The following FOXJ2 variants were observed in gnomAD, a reference collection of about 807,000 sequenced individuals.
FOXJ2 encodes forkhead box protein J2.
Under a neutral mutation model 68.4 loss-of-function variants are expected in FOXJ2, and 18 were observed. That is an observed-to-expected ratio of 0.26 (90% CI 0.18 to 0.39). The LOEUF is 0.39. FOXJ2 is among the 10% of genes least tolerant of loss of function. The pLI, the probability that FOXJ2 is intolerant of heterozygous loss-of-function variation, is 1.00. For missense variants in FOXJ2, 670 were observed against 726.5 expected (o/e 0.92, Z 0.89); for synonymous variants, 274 against 263.2 (o/e 1.04, Z -0.40).
At position 8,048,107 on chromosome 12, in the gene FOXJ2, G is replaced by C; in HGVS notation, c.1043G>C (p.Gly348Ala). The change falls in exon 7 of 11, where the codon GGG becomes GCG. Residue 348 changes from glycine to alanine, a missense_variant. Transcript: ENST00000162391. ...TPSTDGCTPP[G>A]GKQAGAEGYG... Reference sequence around the variant, plus strand: ...AGCACAGATGGTTGTACCCCACCAGGGGGAAAGCAAGCTGGGGCGGAAGGC... The same window carrying C: ...AGCACAGATGGTTGTACCCCACCAGCGGGAAAGCAAGCTGGGGCGGAAGGC... 1 of 1,612,864 alleles carries C rather than the reference G, an allele frequency of 6.2e-7. No individual in the cohort carries two copies. The highest frequency in any genetic ancestry group is 1.1e-5 in the South Asian group (1 of 90,958).
At chr12:8,036,824 C>T (rs987464691) in intron 1 of FOXJ2, among the ~76,000 whole-genome samples, 2 of 152,134 alleles carry the variant, frequency 1.3e-5, no homozygotes, top group Non-Finnish European at 2.9e-5. Context: ...CATGGTGTTT[C>T]ACACCTGTAA....
In FOXJ2 at chr12:8,048,303, G is replaced by A; in HGVS notation, c.1225+14G>A. ...ACACTGGCTTTGGTGAGTAAGGAGG[G>A]TGCACAGTGATCTAGAGGAGGGTGG... On this transcript the variant is annotated intron_variant, in intron 7 of 10. Coordinates refer to ENST00000162391, the MANE Select transcript of FOXJ2 (RefSeq NM_018416.3). 1 of 1,540,852 alleles carries A rather than the reference G, an allele frequency of 6.5e-7. No individual in the cohort carries two copies. Among genetic ancestry groups the A allele is most frequent in the East Asian group, 2.3e-5 (1 of 44,220 alleles).
rs1197152618 is a variant in FOXJ2 at position 8,048,061 on chromosome 12, G to A, written c.997G>A (p.Ala333Thr). The stretch of plus-strand genomic sequence containing the variant: ...CCAGGGCCCCTCAGCTGTAGGGGGT[G>A]CTCCTCCACTGCACACCCCAAGCAC... ...PAQGPSAVGG[A>T]PPLHTPSTDG... Residue 333 changes from alanine (A) to threonine (T), a missense_variant, in exon 7 of 11, where the codon GCT becomes ACT. Ala to Thr is a moderately conservative substitution (Grantham distance 58). Coordinates refer to ENST00000162391, the MANE Select transcript of FOXJ2 (RefSeq NM_018416.3). 3.7e-6 allele frequency: 6 copies of A among 1,612,534 alleles called. No homozygotes were observed. The highest frequency in any genetic ancestry group is 4.5e-5 in the East Asian group (2 of 44,842).
chr12:8,051,107 C>T lies in FOXJ2; in HGVS notation c.1636+487C>T, dbSNP rs370433482. On this transcript the variant is annotated intron_variant, in intron 10 of 10. Transcript: ENST00000162391. ...CCCTTTCCCTTCCCTTCCCCTTCCC[C>T]TTCCCTTCCCTTCCCTTTCCCTTCC... Among the ~76,000 whole-genome samples, 6 of 68,852 alleles carry T rather than the reference C, an allele frequency of 8.7e-5. No individual in the cohort carries two copies. In the South Asian group the frequency reaches 1.4e-3, roughly 16 times the overall value. The allele number at this position is 68,852 out of a possible 152,430, so 45.2% of individuals were successfully genotyped here.
chr12:8,048,194 C>T lies in FOXJ2; in HGVS notation c.1130C>T (p.Pro377Leu). 1 of 1,613,510 alleles carries T rather than the reference C, an allele frequency of 6.2e-7. No homozygotes were observed. Among genetic ancestry groups the T allele is most frequent in the Non-Finnish European group, 8.5e-7 (1 of 1,179,666 alleles). ...CCGCTGCAGCATGGAGGCTACCACC[C>T]TCATCAGCACCATCCCCACTCCCAC... ...PPPLQHGGYH[P>L]HQHHPHSHPA... The change falls in exon 7 of 11, where the codon CCT becomes CTT. Residue 377 changes from proline to leucine, a missense_variant. Physicochemically the swap from Pro to Leu is moderately conservative, Grantham distance 98. Around this residue, in one of 2 missense-constraint regions of FOXJ2, gnomAD observed 555 missense variants for 562.2 expected, o/e 0.99. Coordinates refer to ENST00000162391, the MANE Select transcript of FOXJ2 (RefSeq NM_018416.3).
chr12:8,041,155 G>A (rs1946958409), intron 2 of FOXJ2, among the ~76,000 whole-genome samples: 1 of 151,844 alleles, frequency 6.6e-6, no homozygotes, highest in South Asian at 2.1e-4. Flanking sequence ...TACAAACCAT[G>A]TAGTGAGTTG....
chr12:8,050,494 T>G (rs1947102259), intron 9 of FOXJ2, 28 bp from the exon 10 acceptor site: 1 of 1,589,716 alleles, frequency 6.3e-7, no homozygotes, highest in Non-Finnish European at 8.6e-7. Flanking sequence ...CCCCCCCAAC[T>G]CAAGTAACTC....
chr12:8,035,275 C>G lies in FOXJ2; in HGVS notation c.-15+1442C>G, dbSNP rs115469738. 6.6e-6 allele frequency among the ~76,000 whole-genome samples: 1 copy of G among 152,092 alleles called. No individual in the cohort carries two copies. Among genetic ancestry groups the G allele is most frequent in the African/African-American group, 2.4e-5 (1 of 41,402 alleles). On this transcript the variant is annotated intron_variant, in intron 1 of 10. Transcript: ENST00000162391. The surrounding 1 kb of genome is among the most constrained non-coding windows in gnomAD (Gnocchi z 4.0). ...CTAGAATTGTATGTTTCTGGTGGGC[C>G]TCTAGAAGCAGGTGCCTCTGTACAA... is the stretch of plus-strand genomic sequence containing the variant.
In FOXJ2 at chr12:8,053,881, C is replaced by G. The variant is rs1488151041; in HGVS notation, c.*1031C>G. ...AAATCTTCCACCCATCTTTTTTCTTCCCTCATTTTCTGGGATTCTCAAGAA... is the reference window on the plus strand; with the variant it reads ...AAATCTTCCACCCATCTTTTTTCTTGCCTCATTTTCTGGGATTCTCAAGAA... On this transcript the variant is annotated 3_prime_UTR_variant, in exon 11 of 11. Transcript: ENST00000162391. The surrounding 1 kb of genome is among the most constrained non-coding windows in gnomAD (Gnocchi z 4.1). 6.6e-6 allele frequency: 1 copy of G among 152,104 alleles called. No individual in the cohort carries two copies. Among genetic ancestry groups the G allele is most frequent in the African/African-American group, 2.4e-5 (1 of 41,426 alleles). The allele number at this position is 152,104 out of a possible 1,614,324, so 9.4% of individuals were successfully genotyped here. A position where few individuals can be genotyped will look rare whatever the true frequency, so the allele number is the denominator to read the frequency against.
intron 6 of FOXJ2, among the ~76,000 whole-genome samples, chr12:8,045,654 A>G (rs1451146423): frequency 7.5e-6 from 1 of 132,800 alleles, no homozygotes; most frequent in Non-Finnish European, 1.6e-5. Context: ...GCCCGGCCAT[A>G]TTTCTTTCTT....
chr12:8,042,642 T>A lies in FOXJ2; in HGVS notation c.334-16T>A. 1 of 1,613,604 alleles carries A rather than the reference T, an allele frequency of 6.2e-7. No individual in the cohort carries two copies. The highest frequency in any genetic ancestry group is 8.5e-7 in the Non-Finnish European group (1 of 1,179,532). ...TGCATAATGCTCAGGCCTAACTTGC[T>A]TCTCTGCCTCTCCAGAATTCAATAC... is the stretch of plus-strand genomic sequence containing the variant. On this transcript the variant is annotated splice_polypyrimidine_tract_variant and intron_variant, in intron 2 of 10. Coordinates refer to ENST00000162391, the MANE Select transcript of FOXJ2 (RefSeq NM_018416.3).
At chr12:8,050,904 T>TCCCTTC (rs1947112764) in intron 10 of FOXJ2, among the ~76,000 whole-genome samples, 1 of 71,322 alleles carries the variant, frequency 1.4e-5, no homozygotes. Flanking sequence ...CCCTTCCCCT[T>TCCCTTC]CCCTTCCCTT....
At chr12:8,049,749 A>C (rs758461071) in intron 9 of FOXJ2, 178 bp downstream of exon 9, 65 of 547,078 alleles carry the variant, frequency 1.2e-4, no homozygotes, top group Non-Finnish European at 1.7e-4. Context: ...TAAACTGAAA[A>C]ATGCAAAAGA....
rs773147755 is a variant in FOXJ2, at chr12:8,043,719, G to C, written c.427G>C (p.Asp143His). 6.2e-6 allele frequency: 10 copies of C among 1,614,160 alleles called. No homozygotes were observed. The highest frequency in any genetic ancestry group is 4.4e-5 in the South Asian group (4 of 91,082). ...DPGKGSYWTI[D>H]TCPDISRKRR... ...CTTCCAGGGTTCCTATTGGACAATTGACACCTGCCCTGACATTTCCCGAAA... is the reference window on the plus strand; with the variant it reads ...CTTCCAGGGTTCCTATTGGACAATTCACACCTGCCCTGACATTTCCCGAAA... The change falls in exon 4 of 11, where the codon GAC (aspartate) becomes CAC (histidine). Residue 143 changes from aspartate (D) to histidine (H), a missense_variant. Coordinates refer to ENST00000162391, the MANE Select transcript of FOXJ2 (RefSeq NM_018416.3).
chr12:8,042,750 G>C lies in FOXJ2; in HGVS notation c.408+18G>C, dbSNP rs1946981705. 6.2e-7 allele frequency: 1 copy of C among 1,602,168 alleles called. No individual in the cohort carries two copies. The highest frequency in any genetic ancestry group is 8.6e-7 in the Non-Finnish European group (1 of 1,169,210). ...CTGGGAAGGTAAGATACTACTGTAA[G>C]CATTGAAAGGAGGAGTAGGAAGGAG... On this transcript the variant is annotated intron_variant, in intron 3 of 10. Transcript: ENST00000162391.
At chr12:8,036,655 C>T (rs942701550) in intron 1 of FOXJ2, among the ~76,000 whole-genome samples, 1 of 152,194 alleles carries the variant, frequency 6.6e-6, no homozygotes, top group East Asian at 1.9e-4. Context: ...GAACATTAGC[C>T]TCGTGCCATT....
Position 8,049,440 on chromosome 12 carries a change from C to A in FOXJ2, c.1406C>A (p.Ser469Tyr), listed in dbSNP as rs752982870. Residue 469 changes from serine to tyrosine, a missense_variant, in exon 9 of 11, where the codon TCC (serine) becomes TAC (tyrosine). Ser to Tyr is a moderately radical substitution (Grantham distance 144). Transcript: ENST00000162391. The part of the protein sequence containing the change: ...DQHHIANLCD[S>Y]LNHFLTQTGH... The stretch of plus-strand genomic sequence containing the variant: ...CATCACATTGCCAATCTGTGTGACT[C>A]CCTCAACCACTTCCTTACTCAGACT... The A allele has an allele frequency of 6.2e-7, 1 of 1,614,162 alleles. No homozygotes were observed. The highest frequency in any genetic ancestry group is 8.5e-7 in the Non-Finnish European group (1 of 1,180,016).
At chr12:8,045,218 A>ATTT (rs3074123) in intron 6 of FOXJ2, among the ~76,000 whole-genome samples, 2 of 123,262 alleles carry the variant, frequency 1.6e-5, no homozygotes, top group African/African-American at 6.9e-5. Context: ...TAATTTTTGT[A>ATTT]TTTTTTTTTT....
At chr12:8,042,835 C>A in intron 3 of FOXJ2, 103 bp downstream of exon 3, 1 of 942,214 alleles carries the variant, frequency 1.1e-6, no homozygotes, top group South Asian at 1.4e-5. Flanking sequence ...AAGAGGAAAT[C>A]ATGCTAATTA....
Sources: allele counts gnomAD v4.1 joint callset (sites outside exome capture counted in the v4.1 genomes callset), GRCh38; gene constraint gnomAD v4.1.1; regional missense constraint gnomAD v4.1.1; non-coding constraint Gnocchi (gnomAD v3.1); transcripts MANE v1.5; gene names NCBI Gene and HGNC (gene_info 2026-07-23, HGNC 2026-07-21).